The following ADGRB3 variants were observed in gnomAD, a reference collection of about 807,000 sequenced individuals.
ADGRB3 encodes adhesion G protein-coupled receptor B3, also known as brain-specific angiogenesis inhibitor 3.
A neutral mutation model predicts 193.4 loss-of-function variants in ADGRB3; 37 were observed. The ratio of observed to expected loss-of-function variants is 0.19; its 90% confidence interval spans 0.15 to 0.25. The LOEUF (loss-of-function observed/expected upper bound fraction) is 0.25. Among genes scored for constraint, ADGRB3 ranks in the 10% least tolerant of loss-of-function variants. The pLI is 1.00. For synonymous variants in ADGRB3, 690 were observed against 644.2 expected (o/e 1.07, Z -1.08); for missense variants, 1,637 against 1,852.9 (o/e 0.88, Z 2.14).
At chr6:69,356,873 A>G (rs200971133) in intron 28 of ADGRB3, among the ~76,000 whole-genome samples, 2 of 152,124 alleles carry the variant, frequency 1.3e-5, no homozygotes, top group Non-Finnish European at 2.9e-5. Flanking sequence ...AAAGGAAACT[A>G]TATGTTCAAT....
At chr6:69,239,081 C>T in intron 19 of ADGRB3, 43 bp from the exon 20 acceptor site, 3 of 1,179,326 alleles carry the variant, frequency 2.5e-6, no homozygotes, top group Non-Finnish European at 3.7e-6. Flanking sequence ...CTTCATCTTT[C>T]TGTTGGATTT....
intron 20 of ADGRB3, among the ~76,000 whole-genome samples, chr6:69,286,835 A>G (rs954184395): frequency 1.3e-5 from 2 of 152,228 alleles, no homozygotes; most frequent in African/African-American, 4.8e-5. Flanking sequence ...TTCACATGCT[A>G]TTGAGAATTA....
At position 69,233,226 on chromosome 6, in the gene ADGRB3, C is replaced by A. The variant is rs562710451; in HGVS notation, c.2481-64C>A. The A allele has an allele frequency of 1.9e-6, 3 of 1,580,036 alleles. No homozygotes were observed. The South Asian group carries it at 3.5e-5, about 18-fold the overall frequency. ...TCTCTCAATTAAACTGCATTTTCTT[C>A]TTTACGGATTTGGCTATCAGGCGTA... is the stretch of plus-strand genomic sequence containing the variant. On this transcript the variant is annotated intron_variant, in intron 17 of 31. Transcript: ENST00000370598.
chr6:69,048,364 C>G (rs1771298665), intron 14 of ADGRB3, 30 bp downstream of exon 14: 1 of 1,595,290 alleles, frequency 6.3e-7, no homozygotes, highest in African/African-American at 1.4e-5. Flanking sequence ...TGAGCTTGAA[C>G]AAGACATTTT....
At chr6:68,934,918 G>A (rs968246845) in intron 4 of ADGRB3, among the ~76,000 whole-genome samples, 7 of 152,044 alleles carry the variant, frequency 4.6e-5, no homozygotes, top group African/African-American at 7.2e-5. Flanking sequence ...ATTGATGAAG[G>A]GTTATCTATA....
At chr6:68,977,721 T>G (rs1156816663) in intron 10 of ADGRB3, among the ~76,000 whole-genome samples, 2 of 152,156 alleles carry the variant, frequency 1.3e-5, no homozygotes, top group African/African-American at 2.4e-5. Flanking sequence ...TTTATTCGGC[T>G]CCTACATAGT....
At chr6:69,003,811 G>A (rs2150280242) in intron 11 of ADGRB3, among the ~76,000 whole-genome samples, 1 of 152,270 alleles carries the variant, frequency 6.6e-6, no homozygotes, top group East Asian at 1.9e-4. Context: ...GAATCTGGAA[G>A]ATAACTGGTA....
chr6:69,226,665 A>G (rs1512231), intron 17 of ADGRB3, among the ~76,000 whole-genome samples: 18,279 of 152,218 alleles, frequency 0.12, 1,163 homozygotes, highest in Middle Eastern at 0.26. Flanking sequence ...AACAACCATT[A>G]TTATTTGATT....
chr6:68,907,332 A>G lies in ADGRB3; in HGVS notation c.758-23227A>G, dbSNP rs181119481. ...TTGAGCTTTTATAACTTTATTGTCT[A>G]CACATTTAAATGATTTGTTTCTTTT... On this transcript the variant is annotated intron_variant, in intron 3 of 31. Coordinates refer to ENST00000370598, the MANE Select transcript of ADGRB3 (RefSeq NM_001704.3). Among the ~76,000 whole-genome samples the G allele has an allele frequency of 2.3e-3, 348 of 152,070 alleles. 1 individual carries two copies. The highest frequency in any genetic ancestry group is 8.1e-3 in the African/African-American group (335 of 41,564).
intron 3 of ADGRB3, among the ~76,000 whole-genome samples, chr6:68,672,685 T>C (rs987966251): frequency 6.6e-6 from 1 of 152,070 alleles, no homozygotes; most frequent in Admixed American, 6.6e-5. Context: ...GTTAAGATTA[T>C]GTGTCAAGTT....
chr6:69,222,162 A>T (rs1423006615), intron 17 of ADGRB3, among the ~76,000 whole-genome samples: 1 of 152,152 alleles, frequency 6.6e-6, no homozygotes, highest in African/African-American at 2.4e-5. Flanking sequence ...TCCTTGATGG[A>T]TAATCTTGTT....
chr6:69,212,461 A>G (rs894109616), intron 17 of ADGRB3, among the ~76,000 whole-genome samples: 6 of 152,148 alleles, frequency 3.9e-5, no homozygotes, highest in Non-Finnish European at 8.8e-5. Context: ...ACAATTTTCA[A>G]AAAGATTTTA....
intron 21 of ADGRB3, 57 bp downstream of exon 21, chr6:69,325,079 T>G (rs1422768628): frequency 1.3e-6 from 2 of 1,557,442 alleles, no homozygotes; most frequent in Non-Finnish European, 1.7e-6. Context: ...GAACACACAT[T>G]AGAAAGCAGT....
intron 17 of ADGRB3, among the ~76,000 whole-genome samples, chr6:69,083,124 T>C (rs1257693146): frequency 2.0e-5 from 3 of 152,190 alleles, no homozygotes; most frequent in Non-Finnish European, 2.9e-5. Context: ...TTGCTGGAAA[T>C]TGGAAATTTA....
chr6:68,852,683 C>T (rs1459857494), intron 3 of ADGRB3, among the ~76,000 whole-genome samples: 2 of 151,946 alleles, frequency 1.3e-5, no homozygotes, highest in African/African-American at 4.8e-5. Flanking sequence ...AAGAAAAAAG[C>T]TATATAAGCA....
chr6:68,710,518 A>C (rs2127315793), intron 3 of ADGRB3, among the ~76,000 whole-genome samples: 1 of 152,296 alleles, frequency 6.6e-6, no homozygotes, highest in South Asian at 2.1e-4. Flanking sequence ...TGTTTAAAGA[A>C]GTCGGCTTCT....
intron 13 of ADGRB3, among the ~76,000 whole-genome samples, chr6:69,038,759 C>G (rs1027658330): frequency 6.6e-6 from 1 of 152,006 alleles, no homozygotes; most frequent in Non-Finnish European, 1.5e-5. Flanking sequence ...AAATAAGTGA[C>G]AAAACTAAGA....
At chr6:69,287,035 G>T (rs1298687592) in intron 20 of ADGRB3, among the ~76,000 whole-genome samples, 1 of 152,140 alleles carries the variant, frequency 6.6e-6, no homozygotes, top group Non-Finnish European at 1.5e-5. Flanking sequence ...TTCAAACTTT[G>T]CAGCTCTAGG....
At chr6:69,100,796 A>C (rs1773009353) in intron 17 of ADGRB3, among the ~76,000 whole-genome samples, 1 of 97,066 alleles carries the variant, frequency 1.0e-5, no homozygotes, top group African/African-American at 3.4e-5. Context: ...AATAGACGGA[A>C]GGAAAAAAAA....
Sources: gnomAD v4.1 joint callset for allele counts (sites outside exome capture counted in the v4.1 genomes callset) on GRCh38, gnomAD v4.1.1 for gene constraint, MANE v1.5 for transcripts, NCBI Gene and HGNC (gene_info 2026-07-23, HGNC 2026-07-21) for gene names.